CNTN4: variants seen among roughly 807,000 people sequenced by gnomAD.
CNTN4 encodes the protein contactin-4.
CNTN4 carries 77 observed loss-of-function variants against 122.5 expected under a neutral mutation model. The ratio of observed to expected loss-of-function variants is 0.63; its 90% CI spans 0.52 to 0.76. The LOEUF (loss-of-function observed/expected upper bound fraction) is 0.76, where lower values mean the gene tolerates loss of function less well. Among genes scored for constraint, CNTN4 ranks in the 30% least tolerant of loss-of-function variants. The pLI is 0.00. For missense variants in CNTN4, 1,256 were observed against 1,259.1 expected, an observed-to-expected ratio of 1.00 and a Z score of 0.04; for synonymous variants, 512 against 447.0, an observed-to-expected ratio of 1.15 and a Z score of -1.83.
intron 6 of CNTN4, among the ~76,000 whole-genome samples, chr3:2,775,035 C>G (rs538343165): frequency 1.3e-5 from 2 of 152,310 alleles, no homozygotes; most frequent in African/African-American, 4.8e-5. Flanking sequence ...TGCTGGTGCT[C>G]TTTATTCATC....
At chr3:2,778,038 C>T (rs1003613412) in intron 6 of CNTN4, among the ~76,000 whole-genome samples, 2 of 151,036 alleles carry the variant, frequency 1.3e-5, no homozygotes, top group African/African-American at 4.9e-5. Context: ...CACGGTGAAA[C>T]CCCGTCTCTA....
chr3:2,468,348 T>A (rs935335354), intron 3 of CNTN4, among the ~76,000 whole-genome samples: 15 of 152,162 alleles, frequency 9.9e-5, no homozygotes, highest in East Asian at 1.9e-4. Context: ...AGTGTATTTC[T>A]AGGGCAGTGG....
intron 2 of CNTN4, among the ~76,000 whole-genome samples, chr3:2,256,814 T>G (rs2040610411): frequency 1.3e-5 from 2 of 152,126 alleles, no homozygotes; most frequent in Admixed American, 1.3e-4. Context: ...GGAAAAGCAT[T>G]CTATGCTCAT....
chr3:2,607,857 TAC>T (rs2081325791), intron 4 of CNTN4, among the ~76,000 whole-genome samples: 1 of 152,176 alleles, frequency 6.6e-6, no homozygotes, highest in South Asian at 2.1e-4. Flanking sequence ...ATTTTTTCCA[TAC>T]GATAGAAATA....
intron 20 of CNTN4, among the ~76,000 whole-genome samples, chr3:3,040,600 C>T (rs1700071419): frequency 6.6e-6 from 1 of 152,146 alleles, no homozygotes; most frequent in African/African-American, 2.4e-5. Context: ...AAGTGAATAT[C>T]AAAATATAAT....
At chr3:2,810,514 C>G (rs753929839) in intron 6 of CNTN4, among the ~76,000 whole-genome samples, 48 of 152,130 alleles carry the variant, frequency 3.2e-4, no homozygotes, top group Non-Finnish European at 6.3e-4. Flanking sequence ...ATTGCTGACC[C>G]TAGGCAAATT....
chr3:2,120,392 TATATATATATATA>T (rs1559260917), intron 2 of CNTN4, among the ~76,000 whole-genome samples: 1 of 29,884 alleles, frequency 3.3e-5, no homozygotes, highest in Non-Finnish European at 7.7e-5. Context: ...TATATATATA[TATATATATATATA>T]TTTTTTTTTT....
intron 3 of CNTN4, among the ~76,000 whole-genome samples, chr3:2,567,377 T>C (rs971225850): frequency 3.6e-5 from 4 of 112,062 alleles, no homozygotes; most frequent in Non-Finnish European, 7.1e-5. Flanking sequence ...TGAGCCACCG[T>C]GCCTGGCCTC....
intron 4 of CNTN4, among the ~76,000 whole-genome samples, chr3:2,710,353 A>G (rs1019735620): frequency 6.6e-6 from 1 of 152,202 alleles, no homozygotes; most frequent in Non-Finnish European, 1.5e-5. Flanking sequence ...GTCAGGAATA[A>G]TATTAACTGT....
chr3:3,018,850 T>A (rs1032215462), intron 14 of CNTN4, among the ~76,000 whole-genome samples: 9 of 152,090 alleles, frequency 5.9e-5, no homozygotes, highest in Admixed American at 6.6e-5. Flanking sequence ...ATTCTGGGAC[T>A]ATTGCAGGAA....
intron 4 of CNTN4, among the ~76,000 whole-genome samples, chr3:2,727,183 A>G (rs1301707022): frequency 6.6e-6 from 1 of 152,198 alleles, no homozygotes; most frequent in Non-Finnish European, 1.5e-5. Context: ...ATGTTTGAGA[A>G]TTTAAAATGT....
At chr3:2,806,745 C>G (rs1292430089) in intron 6 of CNTN4, among the ~76,000 whole-genome samples, 2 of 152,086 alleles carry the variant, frequency 1.3e-5, no homozygotes, top group Admixed American at 1.3e-4. Context: ...AAGAAAGTAC[C>G]AAACTAAATC....
At chr3:2,115,869 CTT>C (rs1319779921) in intron 2 of CNTN4, among the ~76,000 whole-genome samples, 1 of 152,216 alleles carries the variant, frequency 6.6e-6, no homozygotes, top group African/African-American at 2.4e-5. Context: ...CTTAAAGACT[CTT>C]TTGCAAATGT....
chr3:2,844,772 A>G (rs1371164174), intron 7 of CNTN4, among the ~76,000 whole-genome samples: 1 of 152,238 alleles, frequency 6.6e-6, no homozygotes, highest in Non-Finnish European at 1.5e-5. Flanking sequence ...GGGACAATAA[A>G]GCAGAATATG....
intron 3 of CNTN4, among the ~76,000 whole-genome samples, chr3:2,398,340 A>G (rs1320489412): frequency 1.3e-5 from 2 of 152,138 alleles, no homozygotes; most frequent in Non-Finnish European, 2.9e-5. Context: ...TCTATTTTAA[A>G]TTAATTGCTT....
rs949576675 is a variant in CNTN4, at chr3:2,685,438, A to C, written c.56-50777A>C. 1.3e-5 allele frequency among the ~76,000 whole-genome samples: 2 copies of C among 152,134 alleles called. 1 individual carries two copies. Among genetic ancestry groups the C allele is most frequent in the South Asian group, 4.1e-4 (2 of 4,828 alleles). Reference sequence around the variant, plus strand: ...TTCTTTACCTGACTTTCTTGCATCTAGTTTTATTTCAGTTTAGGAGCTAGC... The same window carrying C: ...TTCTTTACCTGACTTTCTTGCATCTCGTTTTATTTCAGTTTAGGAGCTAGC... On this transcript the variant is annotated intron_variant, in intron 4 of 24. Transcript: ENST00000418658.
chr3:2,447,868 G>C (rs2048681921), intron 3 of CNTN4, among the ~76,000 whole-genome samples: 1 of 152,040 alleles, frequency 6.6e-6, no homozygotes, highest in South Asian at 2.1e-4. Context: ...GTTAAGTGTA[G>C]ATACTATTAT....
intron 6 of CNTN4, among the ~76,000 whole-genome samples, chr3:2,802,293 C>G (rs533723700): frequency 1.4e-3 from 207 of 152,310 alleles, no homozygotes; most frequent in African/African-American, 4.8e-3. Context: ...TCACCCAACA[C>G]TTATTTTCCC....
chr3:2,722,569 T>C (rs1303840686), intron 4 of CNTN4, among the ~76,000 whole-genome samples: 1 of 152,102 alleles, frequency 6.6e-6, no homozygotes. Context: ...ACCCAACAAC[T>C]CAATGGACGT....
Sources: gnomAD v4.1 joint callset for allele counts (sites outside exome capture counted in the v4.1 genomes callset) on GRCh38, gnomAD v4.1.1 for gene constraint, MANE v1.5 for transcripts, NCBI Gene and HGNC (gene_info 2026-07-23, HGNC 2026-07-21) for gene names.